The following CDC14A variants were observed in gnomAD, a reference collection of about 807,000 sequenced individuals.
CDC14A encodes the protein cell division cycle 14A, also known as dual specificity protein phosphatase CDC14A.
A neutral mutation model predicts 74.4 loss-of-function variants in CDC14A; 53 were observed. That is an observed-to-expected ratio of 0.71 (90% CI 0.57 to 0.89). CDC14A has a LOEUF of 0.89. Among genes scored for constraint, CDC14A ranks in the 40% least tolerant of loss-of-function variants. CDC14A has a pLI of 0.00. For synonymous variants in CDC14A, 247 were observed against 258.4 expected (o/e 0.96, Z 0.43); for missense variants, 646 against 713.7 (o/e 0.91, Z 1.08).
intron 2 of CDC14A, among the ~76,000 whole-genome samples, chr1:100,370,369 A>G (rs912741484): frequency 4.6e-5 from 7 of 151,134 alleles, no homozygotes; most frequent in Non-Finnish European, 5.9e-5. Flanking sequence ...CAATCCTCAC[A>G]CTTTGGCCTC....
At chr1:100,362,974 G>A (rs534717879) in intron 2 of CDC14A, 1 of 152,388 alleles carries the variant, frequency 6.6e-6, no homozygotes, top group African/African-American at 2.4e-5. Context: ...GGAAAAGCGG[G>A]CCTGCAGCTG....
chr1:100,419,376 C>T lies in CDC14A; in HGVS notation c.310-4846C>T, dbSNP rs560140953. On this transcript the variant is annotated intron_variant, in intron 4 of 15. Transcript: ENST00000336454. ...ATGTTGGGAGCAGCCAGTTAGGGTG[C>T]GGTAGTTTCAAGCCAAGTGAGTGCT... 2.0e-4 allele frequency among the ~76,000 whole-genome samples: 31 copies of T among 152,304 alleles called. 1 individual carries two copies. The highest frequency in any genetic ancestry group is 8.5e-4 in the Admixed American group (13 of 15,300).
At chr1:100,351,464 G>A (rs567032770), upstream of CDC14A, among the ~76,000 whole-genome samples, 1 of 152,350 alleles carries the variant, frequency 6.6e-6, no homozygotes, top group South Asian at 2.1e-4. Flanking sequence ...GACGCCCAGC[G>A]TTCAAGTTGT....
Position 100,406,497 on chromosome 1 carries a change from G to GT in CDC14A, c.309+15678dup, listed in dbSNP as rs1659965634. 2.0e-5 allele frequency among the ~76,000 whole-genome samples: 3 copies of GT among 152,202 alleles called. No individual in the cohort carries two copies. In the South Asian group the frequency reaches 6.2e-4, roughly 32 times the overall value. On this transcript the variant is annotated intron_variant, in intron 4 of 15. Transcript: ENST00000336454. Reference sequence around the variant, plus strand: ...TGGTATTACATAGATTTTCTTCTGGGTTTTTATAGTTTTGGGTTTTACATC... The same window carrying GT: ...TGGTATTACATAGATTTTCTTCTGGGTTTTTTATAGTTTTGGGTTTTACATC...
chr1:100,349,601 G>A (rs1454065845), upstream of CDC14A, among the ~76,000 whole-genome samples: 1 of 152,152 alleles, frequency 6.6e-6, no homozygotes, highest in African/African-American at 2.4e-5. Context: ...CATTTAGAAT[G>A]GCTTAGAGAG....
intron 10 of CDC14A, among the ~76,000 whole-genome samples, chr1:100,482,061 T>C (rs1184969631): frequency 1.3e-5 from 2 of 152,212 alleles, no homozygotes; most frequent in East Asian, 3.8e-4. Context: ...AATATTCAGG[T>C]TCAAATCAAG....
At chr1:100,459,089 ACACACACACACG>A (rs1323359753) in intron 8 of CDC14A, among the ~76,000 whole-genome samples, 8 of 135,416 alleles carry the variant, frequency 5.9e-5, no homozygotes, top group African/African-American at 2.5e-4. Flanking sequence ...CTATTTAAAC[ACACACACACACG>A]CACACACACA....
intron 4 of CDC14A, among the ~76,000 whole-genome samples, chr1:100,401,707 A>G (rs111877405): frequency 4.9e-4 from 75 of 152,276 alleles, no homozygotes; most frequent in African/African-American, 1.2e-3. Context: ...TTTTTTTAAC[A>G]GCCATCCTTG....
chr1:100,361,938 G>C (rs1374058057), intron 2 of CDC14A, among the ~76,000 whole-genome samples: 1 of 152,172 alleles, frequency 6.6e-6, no homozygotes, highest in Admixed American at 6.5e-5. Context: ...AGGCTGGAAA[G>C]AATTGGTTGA....
intron 2 of CDC14A, among the ~76,000 whole-genome samples, chr1:100,365,547 C>T (rs7551111): frequency 0.13 from 19,306 of 152,158 alleles, 1,428 homozygotes; most frequent in Non-Finnish European, 0.16. Flanking sequence ...AGAGAGGCTA[C>T]GACACCAGAT....
chr1:100,423,327 G>T (rs1231916865), intron 4 of CDC14A, among the ~76,000 whole-genome samples: 1 of 151,954 alleles, frequency 6.6e-6, no homozygotes, highest in Non-Finnish European at 1.5e-5. Flanking sequence ...TCTTCCTGTG[G>T]TTCTCCCCAT....
intron 2 of CDC14A, among the ~76,000 whole-genome samples, chr1:100,361,641 A>G (rs1652762706): frequency 6.6e-6 from 1 of 152,226 alleles, no homozygotes; most frequent in South Asian, 2.1e-4. Context: ...CAGAGTCCTG[A>G]GAAAAGGCAC....
upstream of CDC14A, among the ~76,000 whole-genome samples, chr1:100,347,799 T>C (rs1476711337): frequency 6.6e-6 from 1 of 152,234 alleles, no homozygotes; most frequent in Non-Finnish European, 1.5e-5. Flanking sequence ...TCAAAGTATG[T>C]ATTCTATATT....
chr1:100,499,452 A>G (rs771031078), intron 15 of CDC14A, 190 bp downstream of exon 15: 67 of 1,475,866 alleles, frequency 4.5e-5, no homozygotes, highest in East Asian at 4.7e-5. Context: ...AGTAAACGCC[A>G]AGTCACAACT....
intron 15 of CDC14A, among the ~76,000 whole-genome samples, chr1:100,517,034 A>G (rs1398053020): frequency 1.3e-5 from 2 of 152,208 alleles, no homozygotes; most frequent in Non-Finnish European, 2.9e-5. Flanking sequence ...TTTAATGTCG[A>G]CACCGCTGTC....
At chr1:100,368,205 T>G (rs1653935050) in intron 2 of CDC14A, among the ~76,000 whole-genome samples, 1 of 152,256 alleles carries the variant, frequency 6.6e-6, no homozygotes. Flanking sequence ...TGTCCATCAG[T>G]GCAGAACATT....
chr1:100,440,752 T>G (rs376665481), intron 6 of CDC14A, among the ~76,000 whole-genome samples: 1 of 152,230 alleles, frequency 6.6e-6, no homozygotes, highest in African/African-American at 2.4e-5. Context: ...CTAGTTCATT[T>G]CTTGGATGTA....
rs145470499 is a variant in CDC14A at position 100,429,956 on chromosome 1, G to T, written c.389+5655G>T. 4.1e-4 allele frequency among the ~76,000 whole-genome samples: 63 copies of T among 151,936 alleles called. 1 individual carries two copies. The East Asian group carries it at 0.012, about 28-fold the overall frequency. On this transcript the variant is annotated intron_variant, in intron 5 of 15. Coordinates refer to ENST00000336454, the MANE Select transcript of CDC14A (RefSeq NM_003672.4). ...TGGAGGTTTCACTTTGTTGCCCAGGGTGGGCTTGAACTCTTGGGCTCAAAT... is the reference window on the plus strand; with the variant it reads ...TGGAGGTTTCACTTTGTTGCCCAGGTTGGGCTTGAACTCTTGGGCTCAAAT...
chr1:100,488,667 C>T (rs1670312084), intron 11 of CDC14A, among the ~76,000 whole-genome samples: 1 of 152,130 alleles, frequency 6.6e-6, no homozygotes, highest in Non-Finnish European at 1.5e-5. Flanking sequence ...ACAGGTGCTG[C>T]TAATATTCAG....
Sources: gnomAD v4.1 joint callset for allele counts (sites outside exome capture counted in the v4.1 genomes callset) on GRCh38, gnomAD v4.1.1 for gene constraint, MANE v1.5 for transcripts, NCBI Gene and HGNC (gene_info 2026-07-23, HGNC 2026-07-21) for gene names.